The following INSYN1 variants were observed in gnomAD, a reference collection of about 807,000 sequenced individuals.
INSYN1 encodes the protein inhibitory synaptic factor 1, also known as UPF0583 protein C15orf59.
Under a neutral mutation model 17.1 loss-of-function variants are expected in INSYN1, and 7 were observed. That is an observed-to-expected ratio of 0.41 (90% CI 0.23 to 0.77). The LOEUF is 0.77. Among genes scored for constraint, INSYN1 ranks in the 30% least tolerant of loss-of-function variants. The pLI, the probability that INSYN1 is intolerant of heterozygous loss-of-function variation, is 0.32. For synonymous variants in INSYN1, 174 were observed against 166.3 expected (o/e 1.05, Z -0.36); for missense variants, 339 against 400.6 (o/e 0.85, Z 1.31).
chr15:73,740,473 C>G lies in INSYN1; in HGVS notation c.326G>C (p.Ser109Thr), dbSNP rs757551289. Reference protein sequence around the residue: ...DFMTADILSDSWEFCSFLDVS... With the variant: ...DFMTADILSDTWEFCSFLDVS... ...GTCCAGGAAGGAGCAGAACTCCCAG[C>G]TGTCTGAGAGGATATCGGCTGTCAT... Residue 109 changes from serine (S) to threonine (T), a missense_variant, in exon 3 of 3, where the codon AGC becomes ACC. Transcript: ENST00000569673. The G allele has an allele frequency of 6.2e-7, 1 of 1,614,006 alleles. No individual in the cohort carries two copies. Among genetic ancestry groups the G allele is most frequent in the Non-Finnish European group, 8.5e-7 (1 of 1,180,032 alleles).
chr15:73,739,838 AATATATATATATAT>A lies in INSYN1; in HGVS notation c.*65_*78del, dbSNP rs71650721. The A allele has an allele frequency of 1.7e-4, 25 of 144,706 alleles. No homozygotes were observed. Among genetic ancestry groups the A allele is most frequent in the Non-Finnish European group, 2.8e-4 (21 of 75,846 alleles). 9.0% of individuals were successfully genotyped at this position (144,706 alleles called of 1,614,324 possible). On this transcript the variant is annotated 3_prime_UTR_variant, in exon 3 of 3. Transcript: ENST00000569673. ...ATTTTATTATGACTTCATTTGTTTAAATATATATATATATATATATATATATATATTTATTTATA... is the reference window on the plus strand; with the variant it reads ...ATTTTATTATGACTTCATTTGTTTAAATATATATATATATATTTATTTATA...
rs1291271673 is a variant in INSYN1 at position 73,752,620 on chromosome 15, C to A, written c.-1078G>T. On this transcript the variant is annotated 5_prime_UTR_variant, in exon 1 of 3. Coordinates refer to ENST00000569673, the MANE Select transcript of INSYN1 (RefSeq NM_001039614.3). This position sits in a 1 kb window ranked among gnomAD's most constrained non-coding sequence, Gnocchi z 5.2. ...CCCGGAGTGAGCTGGCACCGCCGGGCGCCCGGGACGCGCTCAGCCCGGACC... is the reference window on the plus strand; with the variant it reads ...CCCGGAGTGAGCTGGCACCGCCGGGAGCCCGGGACGCGCTCAGCCCGGACC... The A allele has an allele frequency of 6.6e-6, 1 of 152,278 alleles. No individual in the cohort carries two copies. The highest frequency in any genetic ancestry group is 1.5e-5 in the Non-Finnish European group (1 of 68,196). 9.4% of individuals were successfully genotyped at this position (152,278 alleles called of 1,614,324 possible).
intron 2 of INSYN1, among the ~76,000 whole-genome samples, chr15:73,745,741 A>G (rs1263717000): frequency 6.6e-6 from 1 of 151,726 alleles, no homozygotes; most frequent in Non-Finnish European, 1.5e-5. Context: ...CCCAGGAGGC[A>G]GAGCTTGCAG....
intron 2 of INSYN1, among the ~76,000 whole-genome samples, chr15:73,742,049 G>T (rs1045118877): frequency 2.0e-5 from 3 of 152,312 alleles, no homozygotes; most frequent in East Asian, 1.9e-4. Flanking sequence ...AAGCGAAGAG[G>T]GTGGGTGAAC....
chr15:73,751,089 G>C lies in INSYN1; in HGVS notation c.42C>G (p.Asp14Glu), dbSNP rs146110202. 4.8e-5 allele frequency: 77 copies of C among 1,613,854 alleles called. No individual in the cohort carries two copies. The highest frequency in any genetic ancestry group is 6.4e-5 in the Non-Finnish European group (75 of 1,180,014). Residue 14 changes from aspartate to glutamate, a missense_variant, in exon 2 of 3, where the codon GAC becomes GAG. Physicochemically the swap from Asp to Glu is conservative, Grantham distance 45 (BLOSUM62 2). Coordinates refer to ENST00000569673, the MANE Select transcript of INSYN1 (RefSeq NM_001039614.3). The stretch of plus-strand genomic sequence containing the variant: ...CCCGCTCACCACCACTGCTGGGGTC[G>C]TCACTGGGCTGCCCGAGGTCCGGGG... The part of the protein sequence containing the change: ...RGAPDLGQPS[D>E]DPSSGGERER...
chr15:73,746,759 T>A (rs943446050), intron 2 of INSYN1, among the ~76,000 whole-genome samples: 1 of 152,148 alleles, frequency 6.6e-6, no homozygotes, highest in African/African-American at 2.4e-5. Flanking sequence ...AGGATCACTA[T>A]TGAGCCCCCA....
chr15:73,748,692 C>T (rs1340018624), intron 2 of INSYN1, among the ~76,000 whole-genome samples: 1 of 151,942 alleles, frequency 6.6e-6, no homozygotes, highest in African/African-American at 2.4e-5. Context: ...GGGTCTGGCA[C>T]CCCCCCTTGG....
In INSYN1 at chr15:73,740,140, T is replaced by C. The variant is rs1234977752; in HGVS notation, c.659A>G (p.Glu220Gly). ...TGCATGGGCCTCTGTATGGGCAGGCTCAGGGGGCAAGCCCACTTCTTCCTC... is the reference window on the plus strand; with the variant it reads ...TGCATGGGCCTCTGTATGGGCAGGCCCAGGGGGCAAGCCCACTTCTTCCTC... The part of the protein sequence containing the change: ...VEEEEVGLPP[E>G]PAHTEAHAGP... The change falls in exon 3 of 3, where the codon GAG becomes GGG. Residue 220 changes from glutamate (E) to glycine (G), a missense_variant. Glu to Gly is a moderately conservative substitution (Grantham distance 98, BLOSUM62 -2). Transcript: ENST00000569673. 3 of 1,613,776 alleles carry C rather than the reference T, an allele frequency of 1.9e-6. No individual in the cohort carries two copies. Among genetic ancestry groups the C allele is most frequent in the Admixed American group, 1.7e-5 (1 of 59,974 alleles).
Position 73,739,838 on chromosome 15 carries a change from A to AATATATATAT in INSYN1, c.*69_*78dup, listed in dbSNP as rs71650721. 167 of 144,680 alleles carry AATATATATAT rather than the reference A, an allele frequency of 1.2e-3. No homozygotes were observed. In the East Asian group the frequency reaches 0.013, roughly 11 times the overall value. 9.0% of individuals were successfully genotyped at this position (144,680 alleles called of 1,614,324 possible). A position where few individuals can be genotyped will look rare whatever the true frequency, so the allele number is the denominator to read the frequency against. ...ATTTTATTATGACTTCATTTGTTTAAATATATATATATATATATATATATA... is the reference window on the plus strand; with the variant it reads ...ATTTTATTATGACTTCATTTGTTTAAATATATATATATATATATATATATATATATATATA... On this transcript the variant is annotated 3_prime_UTR_variant, in exon 3 of 3. Transcript: ENST00000569673.
chr15:73,749,722 G>C (rs1158362110), intron 2 of INSYN1, among the ~76,000 whole-genome samples: 2 of 152,194 alleles, frequency 1.3e-5, no homozygotes, highest in Non-Finnish European at 2.9e-5. Context: ...CAGTCCATGG[G>C]CAGAAGCACC....
chr15:73,740,240 G>A lies in INSYN1; in HGVS notation c.559C>T (p.Arg187Trp), dbSNP rs773537559. Residue 187 changes from arginine to tryptophan, a missense_variant, in exon 3 of 3, where the codon CGG becomes TGG. Coordinates refer to ENST00000569673, the MANE Select transcript of INSYN1 (RefSeq NM_001039614.3). Reference sequence around the variant, plus strand: ...TGGTAGAGCACTTTGTCACTGAACCGCACCCTCTCCCGTGTCCCTGGGGTC... The same window carrying A: ...TGGTAGAGCACTTTGTCACTGAACCACACCCTCTCCCGTGTCCCTGGGGTC... Reference protein sequence around the residue: ...QRTPGTRERVRFSDKVLYHAL... With the variant: ...QRTPGTRERVWFSDKVLYHAL... 22 of 1,613,912 alleles carry A rather than the reference G, an allele frequency of 1.4e-5. No individual in the cohort carries two copies. Among genetic ancestry groups the A allele is most frequent in the South Asian group, 2.2e-5 (2 of 91,076 alleles).
chr15:73,749,686 A>T (rs760279481), intron 2 of INSYN1, among the ~76,000 whole-genome samples: 7 of 152,216 alleles, frequency 4.6e-5, no homozygotes, highest in Non-Finnish European at 7.3e-5. Context: ...CTGTCCAAAG[A>T]TGTGCAACCC....
Position 73,740,608 on chromosome 15 carries a change from A to T in INSYN1, c.191T>A (p.Phe64Tyr). The T allele has an allele frequency of 6.2e-7, 1 of 1,613,208 alleles. No individual in the cohort carries two copies. The highest frequency in any genetic ancestry group is 8.5e-7 in the Non-Finnish European group (1 of 1,179,424). ...GTCGTCCGGCTCCAGTTCAAAGTCGAAGTCCGAGGTTAGCTTATCGATCTG... is the reference window on the plus strand; with the variant it reads ...GTCGTCCGGCTCCAGTTCAAAGTCGTAGTCCGAGGTTAGCTTATCGATCTG... ...VSQIDKLTSD[F>Y]DFELEPDDWT... Residue 64 changes from phenylalanine (F) to tyrosine (Y), a missense_variant, in exon 3 of 3, where the codon TTC becomes TAC. Coordinates refer to ENST00000569673, the MANE Select transcript of INSYN1 (RefSeq NM_001039614.3).
intron 2 of INSYN1, among the ~76,000 whole-genome samples, chr15:73,745,580 A>T (rs929785932): frequency 6.6e-6 from 1 of 152,184 alleles, no homozygotes; most frequent in Non-Finnish European, 1.5e-5. Context: ...CCCCATGAGG[A>T]GCAGGACTAG....
At chr15:73,750,817 A>G (rs949303325) in intron 2 of INSYN1, among the ~76,000 whole-genome samples, 158 bp downstream of exon 2, 6 of 152,166 alleles carry the variant, frequency 3.9e-5, no homozygotes, top group African/African-American at 1.4e-4. Flanking sequence ...AGCAAAGCAG[A>G]TTTGCGGAAA....
At position 73,750,941 on chromosome 15, in the gene INSYN1, G is replaced by C. The variant is rs1387833793; in HGVS notation, c.156+34C>G. Reference sequence around the variant, plus strand: ...TGCCAAACCCAAGAAGGTTGGCTTAGGGTCTGTCTGGTCCCTCCTCACCCC... The same window carrying C: ...TGCCAAACCCAAGAAGGTTGGCTTACGGTCTGTCTGGTCCCTCCTCACCCC... On this transcript the variant is annotated intron_variant, in intron 2 of 2. Coordinates refer to ENST00000569673, the MANE Select transcript of INSYN1 (RefSeq NM_001039614.3). The C allele has an allele frequency of 3.1e-6, 5 of 1,612,854 alleles. No individual in the cohort carries two copies. In the Admixed American group the frequency reaches 5.0e-5, roughly 16 times the overall value.
At chr15:73,749,372 T>C (rs926802233) in intron 2 of INSYN1, among the ~76,000 whole-genome samples, 1 of 152,146 alleles carries the variant, frequency 6.6e-6, no homozygotes, top group African/African-American at 2.4e-5. Flanking sequence ...TGAGATCCTT[T>C]GAAGCTCTGG....
rs1411444921 is a variant in INSYN1, at chr15:73,740,163, C to T, written c.636G>A (p.Glu212=). 2 of 1,614,038 alleles carry T rather than the reference C, an allele frequency of 1.2e-6. No individual in the cohort carries two copies. Among genetic ancestry groups the T allele is most frequent in the Non-Finnish European group, 8.5e-7 (1 of 1,179,962 alleles). The change falls in exon 3 of 3, where the codon GAG becomes GAA. Residue 212 remains glutamate (E), a synonymous_variant. Coordinates refer to ENST00000569673, the MANE Select transcript of INSYN1 (RefSeq NM_001039614.3). ...EEGDGEQEVE[E]EEVGLPPEPA... ...GCTCAGGGGGCAAGCCCACTTCTTCCTCCTCCACCTCCTGCTCACCGTCCC... is the reference window on the plus strand; with the variant it reads ...GCTCAGGGGGCAAGCCCACTTCTTCTTCCTCCACCTCCTGCTCACCGTCCC...
rs1902036958 is a variant in INSYN1 at position 73,753,092 on chromosome 15, G to C, written c.-1550C>G. 6.7e-6 allele frequency among the ~76,000 whole-genome samples: 1 copy of C among 150,052 alleles called. No individual in the cohort carries two copies. The highest frequency in any genetic ancestry group is 1.5e-5 in the Non-Finnish European group (1 of 67,274). On this transcript the variant is annotated 5_prime_UTR_variant, in exon 1 of 3. Transcript: ENST00000569673. This position sits in a 1 kb window ranked among gnomAD's most constrained non-coding sequence, Gnocchi z 4.2. Reference sequence around the variant, plus strand: ...CCCGCCTCAGCAGCCCCCGGGCGCCGGGTCGCCGCCGGTGGGGCAAACAGG... The same window carrying C: ...CCCGCCTCAGCAGCCCCCGGGCGCCCGGTCGCCGCCGGTGGGGCAAACAGG...
Sources: gnomAD v4.1 joint callset for allele counts (sites outside exome capture counted in the v4.1 genomes callset) on GRCh38, gnomAD v4.1.1 for gene constraint, Gnocchi (gnomAD v3.1) non-coding constraint, MANE v1.5 for transcripts, NCBI Gene and HGNC (gene_info 2026-07-23, HGNC 2026-07-21) for gene names.